The following BDKRB2 variants were observed in gnomAD, a reference collection of about 807,000 sequenced individuals.
BDKRB2 encodes the protein B2 bradykinin receptor.
A neutral mutation model predicts 4.0 loss-of-function variants in BDKRB2; 6 were observed. The ratio of observed to expected loss-of-function variants is 1.49; its 90% CI spans 0.81 to 2.93. The LOEUF (loss-of-function observed/expected upper bound fraction) is 2.93, where lower values mean the gene tolerates loss of function less well. BDKRB2 is among the 30% of genes most tolerant of loss of function. BDKRB2 has a pLI of 0.00. For synonymous variants in BDKRB2, 225 were observed against 215.3 expected (o/e 1.05, Z -0.40); for missense variants, 478 against 520.1 (o/e 0.92, Z 0.79).
chr14:96,224,272 T>C (rs933295357), intron 1 of BDKRB2, among the ~76,000 whole-genome samples: 3 of 152,070 alleles, frequency 2.0e-5, no homozygotes, highest in Non-Finnish European at 4.4e-5. Flanking sequence ...AAATTTTCCA[T>C]AATAAAAAGT....
At chr14:96,215,977 G>A (rs1178204500) in intron 1 of BDKRB2, among the ~76,000 whole-genome samples, 1 of 152,216 alleles carries the variant, frequency 6.6e-6, no homozygotes, top group Non-Finnish European at 1.5e-5. Context: ...CGCAGTGCGA[G>A]TGGGAGGTGA....
At chr14:96,220,994 C>A (rs1337499262) in intron 1 of BDKRB2, among the ~76,000 whole-genome samples, 1 of 151,970 alleles carries the variant, frequency 6.6e-6, no homozygotes, top group Non-Finnish European at 1.5e-5. Context: ...CACTATATCC[C>A]CCTATAAAGA....
chr14:96,221,583 G>A (rs1404136844), intron 1 of BDKRB2, among the ~76,000 whole-genome samples: 1 of 152,098 alleles, frequency 6.6e-6, no homozygotes, highest in Non-Finnish European at 1.5e-5. Context: ...GAGTTTATTT[G>A]GGAGGGGTTG....
At chr14:96,222,249 G>A (rs568118035) in intron 1 of BDKRB2, among the ~76,000 whole-genome samples, 14 of 152,210 alleles carry the variant, frequency 9.2e-5, no homozygotes, top group African/African-American at 3.4e-4. Context: ...TGCTGTCTCT[G>A]GGGGCACCAC....
chr14:96,239,910 A>G, intron 2 of BDKRB2: 3 of 985,984 alleles, frequency 3.0e-6, no homozygotes, highest in Non-Finnish European at 3.6e-6. Context: ...GAAACTAGGC[A>G]GATGGGCTGG....
intron 1 of BDKRB2, among the ~76,000 whole-genome samples, chr14:96,208,801 T>C (rs1438620107): frequency 1.3e-5 from 2 of 152,180 alleles, no homozygotes; most frequent in African/African-American, 4.8e-5. Context: ...TTAGATTTAC[T>C]CCGGCCTGTC....
Position 96,241,010 on chromosome 14 carries a change from C to G in BDKRB2, c.682C>G (p.Leu228Val). ...CTGGGAAGTGTTCACCAACATGCTC[C>G]TGAATGTCGTGGGCTTCCTGCTGCC... is the stretch of plus-strand genomic sequence containing the variant. ...LIWEVFTNML[L>V]NVVGFLLPLS... The change falls in exon 3 of 3, where the codon CTG becomes GTG. Residue 228 changes from leucine (L) to valine (V), a missense_variant. Transcript: ENST00000554311. 2 of 1,605,406 alleles carry G rather than the reference C, an allele frequency of 1.2e-6. No individual in the cohort carries two copies. Among genetic ancestry groups the G allele is most frequent in the Non-Finnish European group, 1.7e-6 (2 of 1,173,588 alleles).
At chr14:96,211,501 A>G (rs747166729) in intron 1 of BDKRB2, among the ~76,000 whole-genome samples, 2 of 152,234 alleles carry the variant, frequency 1.3e-5, no homozygotes, top group African/African-American at 2.4e-5. Flanking sequence ...CACCTGCTAC[A>G]GGTGTGCTCA....
At chr14:96,208,361 C>A (rs1198497882) in intron 1 of BDKRB2, among the ~76,000 whole-genome samples, 1 of 152,128 alleles carries the variant, frequency 6.6e-6, no homozygotes, top group Non-Finnish European at 1.5e-5. Flanking sequence ...CCTCCCCCTC[C>A]CCACACACAT....
chr14:96,223,169 A>G (rs1396560878), intron 1 of BDKRB2: 4 of 1,171,368 alleles, frequency 3.4e-6, no homozygotes, highest in African/African-American at 3.0e-5. Context: ...GAGTATCGAC[A>G]TGTCATGCTG....
chr14:96,230,694 T>C (rs1460801372), intron 1 of BDKRB2, among the ~76,000 whole-genome samples: 3 of 150,456 alleles, frequency 2.0e-5, no homozygotes, highest in African/African-American at 4.9e-5. Context: ...CTCAGCTCAC[T>C]GCAACCTCTG....
At chr14:96,214,013 G>A (rs1024023899) in intron 1 of BDKRB2, among the ~76,000 whole-genome samples, 19 of 152,176 alleles carry the variant, frequency 1.2e-4, no homozygotes, top group African/African-American at 4.6e-4. Flanking sequence ...GGACAGGAGG[G>A]GAAGGAGGAG....
In BDKRB2 at chr14:96,237,796, A is replaced by G. The variant is rs748759698; in HGVS notation, c.74+615A>G. On this transcript the variant is annotated intron_variant, in intron 2 of 2. Transcript: ENST00000554311. ...CTGGACCTATAGTTTCCAATTCCGC[A>G]CTCAGCAGGCATCTTTCTGATGATC... 3 of 1,289,714 alleles carry G rather than the reference A, an allele frequency of 2.3e-6. No homozygotes were observed. In the South Asian group the frequency reaches 3.7e-5, roughly 16 times the overall value. The allele number at this position is 1,289,714 out of a possible 1,614,324, so 79.9% of individuals were successfully genotyped here. A position where few individuals can be genotyped will look rare whatever the true frequency, so the allele number is the denominator to read the frequency against.
chr14:96,205,965 C>G (rs1057058940), intron 1 of BDKRB2, among the ~76,000 whole-genome samples: 3 of 152,160 alleles, frequency 2.0e-5, no homozygotes, highest in Non-Finnish European at 4.4e-5. Flanking sequence ...AGTGGGAGCC[C>G]TGGCCTGGGT....
intron 1 of BDKRB2, among the ~76,000 whole-genome samples, chr14:96,236,725 C>A (rs896340804): frequency 6.6e-6 from 1 of 152,206 alleles, no homozygotes; most frequent in Non-Finnish European, 1.5e-5. Flanking sequence ...ATCCCTCCAC[C>A]CTGTTTAGTT....
At chr14:96,221,706 G>C (rs1305346862) in intron 1 of BDKRB2, among the ~76,000 whole-genome samples, 1 of 152,022 alleles carries the variant, frequency 6.6e-6, no homozygotes. Context: ...CTGGTGTTTA[G>C]AGCAGCAAGG....
chr14:96,228,728 G>A (rs1890753903), intron 1 of BDKRB2, among the ~76,000 whole-genome samples: 1 of 152,236 alleles, frequency 6.6e-6, no homozygotes, highest in Non-Finnish European at 1.5e-5. Flanking sequence ...CGTGGGCCCA[G>A]GCTTGTGGGT....
chr14:96,233,067 C>A (rs1185844905), intron 1 of BDKRB2, among the ~76,000 whole-genome samples: 1 of 152,144 alleles, frequency 6.6e-6, no homozygotes, highest in Non-Finnish European at 1.5e-5. Flanking sequence ...CGCTCTATAG[C>A]CCAGGCTGGA....
At chr14:96,227,233 C>T (rs1187672299) in intron 1 of BDKRB2, among the ~76,000 whole-genome samples, 1 of 152,216 alleles carries the variant, frequency 6.6e-6, no homozygotes. Context: ...AAAGGAAACA[C>T]TGGCATTTCT....
Sources: allele counts gnomAD v4.1 joint callset (sites outside exome capture counted in the v4.1 genomes callset), GRCh38; gene constraint gnomAD v4.1.1; transcripts MANE v1.5; gene names NCBI Gene and HGNC (gene_info 2026-07-23, HGNC 2026-07-21).